CFAP70: variants seen among roughly 807,000 people sequenced by gnomAD.
CFAP70 encodes the protein cilia- and flagella-associated protein 70.
A neutral mutation model predicts 137.6 loss-of-function variants in CFAP70; 81 were observed. That is an observed-to-expected ratio of 0.59 (90% confidence interval 0.49 to 0.71). The LOEUF (loss-of-function observed/expected upper bound fraction) is 0.71, where lower values mean the gene tolerates loss of function less well. Among genes scored for constraint, CFAP70 ranks in the 30% least tolerant of loss-of-function variants. The pLI is 0.00. For missense variants in CFAP70, 976 were observed against 1,226.7 expected (o/e 0.80, Z 3.05); for synonymous variants, 382 against 423.6 (o/e 0.90, Z 1.20).
intron 3 of CFAP70, among the ~76,000 whole-genome samples, chr10:73,352,856 C>T (rs1284782187): frequency 6.6e-6 from 1 of 152,182 alleles, no homozygotes; most frequent in Non-Finnish European, 1.5e-5. Flanking sequence ...AAATGCTTTG[C>T]AATTTTTATT....
chr10:73,319,323 C>T (rs963035), intron 9 of CFAP70, among the ~76,000 whole-genome samples: 23,198 of 152,070 alleles, frequency 0.15, 2,876 homozygotes, highest in African/African-American at 0.32. Flanking sequence ...TTGTTCTAAA[C>T]TTCTTCCTGG....
upstream of CFAP70, among the ~76,000 whole-genome samples, chr10:73,359,520 G>A (rs944667758): frequency 3.3e-5 from 5 of 152,146 alleles, no homozygotes; most frequent in East Asian, 1.9e-4. Context: ...AGTAAACAAC[G>A]ACGATAACGG....
At chr10:73,352,252 G>A (rs2054336213) in intron 3 of CFAP70, among the ~76,000 whole-genome samples, 1 of 152,156 alleles carries the variant, frequency 6.6e-6, no homozygotes, top group African/African-American at 2.4e-5. Flanking sequence ...TTCCCTACTT[G>A]GTCTTCTCTG....
At chr10:73,335,863 C>T (rs565359916) in intron 6 of CFAP70, among the ~76,000 whole-genome samples, 6 of 150,518 alleles carry the variant, frequency 4.0e-5, no homozygotes, top group Admixed American at 2.6e-4. Context: ...CACCTGGACC[C>T]GGTGCAGTGG....
intron 3 of CFAP70, among the ~76,000 whole-genome samples, chr10:73,350,533 G>A (rs1205415650): frequency 6.6e-6 from 1 of 151,964 alleles, no homozygotes; most frequent in East Asian, 1.9e-4. Flanking sequence ...GCTCTTTAAA[G>A]GTAAATTTGC....
At chr10:73,290,859 A>G (rs1319422918) in intron 19 of CFAP70, among the ~76,000 whole-genome samples, 1 of 152,190 alleles carries the variant, frequency 6.6e-6, no homozygotes, top group African/African-American at 2.4e-5. Flanking sequence ...GAAGTTTCAG[A>G]CCACTAATCA....
chr10:73,354,825 T>C, exon 2 of CFAP70: 1 of 1,606,890 alleles, frequency 6.2e-7, no homozygotes, highest in South Asian at 1.1e-5. Flanking sequence ...TCCCTCTGTT[T>C]TCTTTGGTCT....
In CFAP70 at chr10:73,311,262, C is replaced by G. The variant is rs376146308; in HGVS notation, c.1164+572G>C. Among the ~76,000 whole-genome samples, 1,342 of 152,200 alleles carry G rather than the reference C, an allele frequency of 8.8e-3. 32 individuals carry two copies. Among genetic ancestry groups the G allele is most frequent in the African/African-American group, 0.03 (1,254 of 41,530 alleles). On this transcript the variant is annotated intron_variant, in intron 11 of 26. Coordinates refer to ENST00000310715, the Ensembl canonical transcript of CFAP70. The stretch of plus-strand genomic sequence containing the variant: ...CCTAAATTCTGCTCTTGCAAATTCT[C>G]TGTTATTCTCTCTCAAGCTGTTCCC...
chr10:73,339,297 T>G (rs750191160), intron 6 of CFAP70, among the ~76,000 whole-genome samples: 73 of 152,124 alleles, frequency 4.8e-4, no homozygotes, highest in Non-Finnish European at 7.4e-4. Flanking sequence ...CAAGGAAACC[T>G]TTTCTTTACT....
chr10:73,327,952 T>C (rs1348087814), intron 8 of CFAP70, among the ~76,000 whole-genome samples: 2 of 152,202 alleles, frequency 1.3e-5, no homozygotes, highest in East Asian at 3.8e-4. Flanking sequence ...CCCATCAAGC[T>C]ACCAATGACT....
intron 5 of CFAP70, among the ~76,000 whole-genome samples, chr10:73,342,224 T>C (rs1246331779): frequency 6.6e-6 from 1 of 152,110 alleles, no homozygotes; most frequent in Admixed American, 6.6e-5. Flanking sequence ...TCATTAATAA[T>C]CAGTAAAGTG....
intron 18 of CFAP70, 89 bp downstream of exon 19, chr10:73,291,551 T>C (rs2048182565): frequency 6.7e-7 from 1 of 1,485,620 alleles, no homozygotes; most frequent in Non-Finnish European, 9.3e-7. Context: ...GTTTAAGAAC[T>C]ACATGATGAG....
intron 9 of CFAP70, 40 bp downstream of exon 10, chr10:73,322,923 G>C (rs912267255): frequency 1.3e-6 from 2 of 1,544,678 alleles, no homozygotes; most frequent in Middle Eastern, 1.7e-4. Context: ...ATATATAAAG[G>C]ATAAATTACC....
chr10:73,265,048 G>A (rs1335434034), intron 25 of CFAP70, among the ~76,000 whole-genome samples: 3 of 152,092 alleles, frequency 2.0e-5, no homozygotes, highest in Admixed American at 6.5e-5. Context: ...AGATTCGGCC[G>A]GGTGCGGTGG....
chr10:73,290,356 T>G (rs2048085173), intron 19 of CFAP70, among the ~76,000 whole-genome samples: 1 of 152,136 alleles, frequency 6.6e-6, no homozygotes, highest in Non-Finnish European at 1.5e-5. Flanking sequence ...TGCAAACTTA[T>G]CTATGATGAT....
chr10:73,310,315 A>G lies in CFAP70; in HGVS notation c.1165-66T>C. ...ATATTTATGAAAAATTTAGTAACATAAGATGATGCTCACAATATAATAAGT... is the reference window on the plus strand; with the variant it reads ...ATATTTATGAAAAATTTAGTAACATGAGATGATGCTCACAATATAATAAGT... On this transcript the variant is annotated intron_variant, in intron 11 of 26. Coordinates refer to ENST00000310715, the Ensembl canonical transcript of CFAP70. The G allele has an allele frequency of 2.8e-6, 3 of 1,058,240 alleles. No individual in the cohort carries two copies. The South Asian group carries it at 4.2e-5, about 15-fold the overall frequency. 65.6% of individuals were successfully genotyped at this position (1,058,240 alleles called of 1,614,324 possible).
At chr10:73,287,174 A>G (rs1261119347) in intron 19 of CFAP70, among the ~76,000 whole-genome samples, 1 of 152,246 alleles carries the variant, frequency 6.6e-6, no homozygotes, top group Non-Finnish European at 1.5e-5. Context: ...GATAAAGGTC[A>G]GATTAAGAAT....
chr10:73,260,584 G>A (rs987450766), intron 25 of CFAP70, among the ~76,000 whole-genome samples: 11 of 152,148 alleles, frequency 7.2e-5, no homozygotes, highest in Non-Finnish European at 1.2e-4. Context: ...GCACAATCCA[G>A]TGTTAGAAGA....
At chr10:73,298,856 G>T in intron 14 of CFAP70, 51 bp downstream of exon 15, 1 of 1,523,316 alleles carries the variant, frequency 6.6e-7, no homozygotes, top group South Asian at 1.1e-5. Context: ...GGTATGTGGA[G>T]AACTTGCTCC....
Sources: gnomAD v4.1 joint callset for allele counts (sites outside exome capture counted in the v4.1 genomes callset) on GRCh38, gnomAD v4.1.1 for gene constraint, MANE v1.5 for transcripts, NCBI Gene and HGNC (gene_info 2026-07-23, HGNC 2026-07-21) for gene names.